DGAT2L6: variants seen among roughly 807,000 people sequenced by gnomAD.
The protein encoded by DGAT2L6 is diacylglycerol O-acyltransferase 2 like 6.
DGAT2L6 carries 22 observed loss-of-function variants against 25.5 expected under a neutral mutation model. The ratio of observed to expected loss-of-function variants is 0.86; its 90% confidence interval spans 0.62 to 1.23. The LOEUF is 1.23. Among genes scored for constraint, DGAT2L6 ranks in the 50% most tolerant of loss-of-function variants. The pLI, the probability that DGAT2L6 is intolerant of heterozygous loss-of-function variation, is 0.00. For synonymous variants in DGAT2L6, 100 were observed against 94.7 expected, an observed-to-expected ratio of 1.06 and a Z score of -0.32; for missense variants, 287 against 253.2, an observed-to-expected ratio of 1.13 and a Z score of -0.91.
At chrX:70,204,846 G>A in intron 6 of DGAT2L6, 106 bp from the exon 7 acceptor site, 1 of 921,167 alleles carries the variant, frequency 1.1e-6, no homozygotes, top group Non-Finnish European at 1.5e-6. Flanking sequence ...AAGAAAGAAG[G>A]GGAGGAAAGC....
intron 1 of DGAT2L6, among the ~76,000 whole-genome samples, chrX:70,196,516 A>G (rs12556052): frequency 0.08 from 7,980 of 100,242 alleles, 577 homozygotes; most frequent in Non-Finnish European, 0.12. Flanking sequence ...AGAAAAAAGA[A>G]AAAAAAAGAA....
At chrX:70,195,437 C>G (rs1372698072) in intron 1 of DGAT2L6, among the ~76,000 whole-genome samples, 1 of 95,760 alleles carries the variant, frequency 1.0e-5, no homozygotes, top group Non-Finnish European at 2.1e-5. Flanking sequence ...TAAGTGTCCA[C>G]TGGCAGATGA....
Position 70,205,252 on chromosome X carries a change from G to A in DGAT2L6, c.*146G>A. On this transcript the variant is annotated 3_prime_UTR_variant, in exon 7 of 7. Transcript: ENST00000333026. ...GCCAGAAATTATTTAATAAATCAGA[G>A]TTCTAGCAATAGAGTCCTCTCCCAA... is the stretch of plus-strand genomic sequence containing the variant. 1 of 723,251 alleles carries A rather than the reference G, an allele frequency of 1.4e-6. No individual in the cohort carries two copies. The highest frequency in any genetic ancestry group is 4.2e-5 in the East Asian group (1 of 24,050). The allele number at this position is 723,251 out of a possible 1,213,427, so 59.6% of individuals were successfully genotyped here.
At chrX:70,177,738 A>G (rs2085331520) in intron 1 of DGAT2L6, 71 bp downstream of exon 1, 1 of 943,828 alleles carries the variant, frequency 1.1e-6, no homozygotes, top group Non-Finnish European at 1.5e-6. Context: ...CCAGATGAGG[A>G]GGGTTCCAAA....
chrX:70,192,307 C>T (rs1032300819), intron 1 of DGAT2L6, among the ~76,000 whole-genome samples: 1 of 111,447 alleles, frequency 9.0e-6, no homozygotes, highest in Non-Finnish European at 1.9e-5. Flanking sequence ...GATTTCATCA[C>T]GACTAGACCT....
At chrX:70,181,601 G>A (rs1230449772) in intron 1 of DGAT2L6, among the ~76,000 whole-genome samples, 1 of 111,665 alleles carries the variant, frequency 9.0e-6, no homozygotes, top group African/African-American at 3.3e-5. Context: ...TGTCCTTGCT[G>A]TGAGATCCTT....
intron 1 of DGAT2L6, among the ~76,000 whole-genome samples, chrX:70,190,355 C>T (rs930334223): frequency 1.8e-5 from 2 of 111,773 alleles, no homozygotes; most frequent in African/African-American, 6.5e-5. Context: ...ATCTGGCAGC[C>T]ATCCATGGAC....
chrX:70,192,334 T>C (rs1247238608), intron 1 of DGAT2L6, among the ~76,000 whole-genome samples: 1 of 111,892 alleles, frequency 8.9e-6, no homozygotes, highest in African/African-American at 3.3e-5. Flanking sequence ...CAAGAAATGC[T>C]AAAGAAAGGT....
intron 5 of DGAT2L6, among the ~76,000 whole-genome samples, chrX:70,202,890 G>A (rs914706420): frequency 2.7e-5 from 3 of 111,691 alleles, no homozygotes; most frequent in East Asian, 2.8e-4. Flanking sequence ...TGCAAGACGC[G>A]GAATAATCTG....
Position 70,204,353 on chromosome X carries a change from T to C in DGAT2L6, c.696T>C (p.Asn232=), listed in dbSNP as rs1305548673. 5.8e-6 allele frequency: 7 copies of C among 1,208,532 alleles called. No homozygotes were observed. The highest frequency in any genetic ancestry group is 1.8e-5 in the African/African-American group (1 of 56,994). Residue 232 remains asparagine, a synonymous_variant, in exon 6 of 7, where the codon AAT becomes AAC. Coordinates refer to ENST00000333026, the MANE Select transcript of DGAT2L6 (RefSeq NM_198512.3). ...CCTTTGGTGAGAACGAAGTTTTCAA[T>C]CAGGAGACCTTCCCTGAGGGCACGT... The part of the protein sequence containing the change: ...SYSFGENEVF[N]QETFPEGTWL...
In DGAT2L6 at chrX:70,205,110, G is replaced by T. The variant is rs374079076; in HGVS notation, c.*4G>T. The T allele has an allele frequency of 1.7e-6, 2 of 1,180,994 alleles. No homozygotes were observed. The highest frequency in any genetic ancestry group is 3.6e-5 in the African/African-American group (2 of 55,862). Reference sequence around the variant, plus strand: ...CCAAGAGCTGACAATTACATAACAGGAGCCACATTCCCCATTGATCAACCC... The same window carrying T: ...CCAAGAGCTGACAATTACATAACAGTAGCCACATTCCCCATTGATCAACCC... On this transcript the variant is annotated 3_prime_UTR_variant, in exon 7 of 7. Transcript: ENST00000333026.
At chrX:70,196,663 T>C (rs1021719735) in intron 1 of DGAT2L6, among the ~76,000 whole-genome samples, 13 of 110,573 alleles carry the variant, frequency 1.2e-4, no homozygotes, top group African/African-American at 4.3e-4. Flanking sequence ...GCTTCATCAA[T>C]ATTAAAAGCT....
Position 70,200,485 on chromosome X carries a change from A to AT in DGAT2L6, c.472+33dup, listed in dbSNP as rs749575380. 1.5e-4 allele frequency: 179 copies of AT among 1,176,669 alleles called. No homozygotes were observed. The Admixed American group carries it at 2.2e-3, about 14-fold the overall frequency. ...GTGAGTATAAGAAATAATTAATTCT[A>AT]TTTTTTTACCTACTTCAAAGGTGCA... On this transcript the variant is annotated intron_variant, in intron 4 of 6. Transcript: ENST00000333026.
intron 5 of DGAT2L6, 40 bp downstream of exon 5, chrX:70,202,104 A>G: frequency 9.0e-7 from 1 of 1,109,815 alleles, no homozygotes; most frequent in African/African-American, 1.8e-5. Flanking sequence ...TCAGGGTGCC[A>G]TAGGCCCTCT....
In DGAT2L6 at chrX:70,204,388, T is replaced by C. The variant is rs76987053; in HGVS notation, c.731T>C (p.Leu244Ser). Residue 244 changes from leucine (L) to serine (S), a missense_variant, in exon 6 of 7, where the codon TTG (leucine) becomes TCG (serine). Coordinates refer to ENST00000333026, the MANE Select transcript of DGAT2L6 (RefSeq NM_198512.3). ...TTCCCTGAGGGCACGTGGTTAAGGT[T>C]GTTCCAAAAAACCTTCCAGGACACA... ...ETFPEGTWLR[L>S]FQKTFQDTFK... is the part of the protein sequence containing the mutation. 22 of 1,209,467 alleles carry C rather than the reference T, an allele frequency of 1.8e-5. No homozygotes were observed. Among genetic ancestry groups the C allele is most frequent in the Admixed American group, 4.4e-5 (2 of 45,692 alleles).
chrX:70,187,014 A>G (rs754636193), intron 1 of DGAT2L6, among the ~76,000 whole-genome samples: 4 of 111,973 alleles, frequency 3.6e-5, no homozygotes, highest in South Asian at 7.5e-4. Context: ...TGCTTTTTAA[A>G]AATTTCTGGC....
intron 3 of DGAT2L6, 62 bp from the exon 4 acceptor site, chrX:70,200,193 A>AGTC: frequency 9.2e-7 from 1 of 1,087,092 alleles, no homozygotes; most frequent in East Asian, 3.0e-5. Flanking sequence ...CTGGGATTTT[A>AGTC]GTCCACACGT....
chrX:70,197,782 C>T (rs756032961), intron 1 of DGAT2L6, among the ~76,000 whole-genome samples: 46 of 112,029 alleles, frequency 4.1e-4, no homozygotes, highest in African/African-American at 1.3e-3. Context: ...TCTGAATTTC[C>T]TTCTGAAGCT....
chrX:70,202,177 A>C, intron 5 of DGAT2L6, 113 bp downstream of exon 5: 1 of 696,882 alleles, frequency 1.4e-6, no homozygotes, highest in South Asian at 4.7e-5. Context: ...TCTTCACTCT[A>C]ATTCCTTCTG....
Sources: gnomAD v4.1 joint callset for allele counts (sites outside exome capture counted in the v4.1 genomes callset) on GRCh38, gnomAD v4.1.1 for gene constraint, MANE v1.5 for transcripts, NCBI Gene and HGNC (gene_info 2026-07-23, HGNC 2026-07-21) for gene names.